Variants in TBCEL observed in about 807,000 individuals in gnomAD.
TBCEL encodes the protein tubulin-specific chaperone cofactor E-like protein.
A neutral mutation model predicts 44.2 loss-of-function variants in TBCEL; 15 were observed. That is an observed-to-expected ratio of 0.34 (90% CI 0.23 to 0.52). The LOEUF is 0.52. Ranked by LOEUF, TBCEL falls within the 20% of genes least tolerant of loss-of-function variation. The probability of loss-of-function intolerance (pLI) is 0.95; values close to 1 mark genes in which losing one functional copy is unlikely to be tolerated. For missense variants in TBCEL, 319 were observed against 506.3 expected (o/e 0.63, Z 3.55); for synonymous variants, 171 against 185.4 (o/e 0.92, Z 0.63).
At chr11:121,053,890 A>C (rs1945572281) in intron 5 of TBCEL, among the ~76,000 whole-genome samples, 158 bp downstream of exon 5, 2 of 151,824 alleles carry the variant, frequency 1.3e-5, no homozygotes, top group South Asian at 4.2e-4. Context: ...TGTGAGGGTA[A>C]TCTAGTAGCA....
chr11:121,030,365 A>G (rs1945122057), intron 1 of TBCEL, among the ~76,000 whole-genome samples: 1 of 152,216 alleles, frequency 6.6e-6, no homozygotes, highest in Non-Finnish European at 1.5e-5. Context: ...AAGGGGAGCC[A>G]TTGGAGAGTG....
intron 8 of TBCEL, among the ~76,000 whole-genome samples, chr11:121,067,139 A>G (rs1945835861): frequency 6.6e-6 from 1 of 152,240 alleles, no homozygotes. Context: ...TTATGAATAA[A>G]GAGCCGACAT....
In TBCEL at chr11:121,055,320, G is replaced by T. The variant is rs751928609; in HGVS notation, c.712+12G>T. The stretch of plus-strand genomic sequence containing the variant: ...CCTCCACAAGTCAGGTGAGGTTCAG[G>T]CTTGTTCTTATTCTACATGCAAATT... On this transcript the variant is annotated intron_variant, in intron 6 of 8. Coordinates refer to ENST00000683345, the MANE Select transcript of TBCEL (RefSeq NM_001363644.2). 2 of 1,582,514 alleles carry T rather than the reference G, an allele frequency of 1.3e-6. No individual in the cohort carries two copies. The highest frequency in any genetic ancestry group is 1.7e-6 in the Non-Finnish European group (2 of 1,161,734).
At position 121,059,966 on chromosome 11, in the gene TBCEL, T is replaced by C. The variant is rs755786235; in HGVS notation, c.840-3T>C. The C allele has an allele frequency of 1.6e-5, 25 of 1,603,050 alleles. No homozygotes were observed. The highest frequency in any genetic ancestry group is 4.5e-5 in the East Asian group (2 of 44,612). ...ATGTCTTTATTTTGGTTTTAACTTATAGATTGCCATCAGTTTCCAAACTTA... is the reference window on the plus strand; with the variant it reads ...ATGTCTTTATTTTGGTTTTAACTTACAGATTGCCATCAGTTTCCAAACTTA... On this transcript the variant is annotated splice_polypyrimidine_tract_variant and splice_region_variant and intron_variant, in intron 7 of 8. Transcript: ENST00000683345.
At chr11:121,054,228 C>G (rs906902812) in intron 5 of TBCEL, among the ~76,000 whole-genome samples, 1 of 151,910 alleles carries the variant, frequency 6.6e-6, no homozygotes, top group African/African-American at 2.4e-5. Context: ...TTGTCCCTAT[C>G]TTTGTATTTA....
chr11:121,043,869 C>T lies in TBCEL; in HGVS notation c.-17-1805C>T, dbSNP rs146710748. On this transcript the variant is annotated intron_variant, in intron 2 of 8. Transcript: ENST00000683345. Reference sequence around the variant, plus strand: ...TATATCGTAATGGTGTCCAAATCTTCATCTTTAGCTCATTTTTCTCATTCA... The same window carrying T: ...TATATCGTAATGGTGTCCAAATCTTTATCTTTAGCTCATTTTTCTCATTCA... 1.9e-3 allele frequency among the ~76,000 whole-genome samples: 296 copies of T among 152,182 alleles called. 1 individual carries two copies. Among genetic ancestry groups the T allele is most frequent in the African/African-American group, 6.7e-3 (279 of 41,542 alleles).
chr11:121,082,812 C>T (rs549428391), intron 8 of TBCEL, among the ~76,000 whole-genome samples: 1 of 152,188 alleles, frequency 6.6e-6, no homozygotes, highest in Non-Finnish European at 1.5e-5. Context: ...AAGGGCACTG[C>T]GCACCTTTGT....
Position 121,086,826 on chromosome 11 carries a change from A to T in TBCEL, c.1005A>T (p.Glu335Asp), listed in dbSNP as rs1284145107. 6.2e-7 allele frequency: 1 copy of T among 1,614,036 alleles called. No homozygotes were observed. Among genetic ancestry groups the T allele is most frequent in the South Asian group, 1.1e-5 (1 of 91,060 alleles). ...TKYGKLEPLA[E>D]VDLRPQSSAK... ...ATGGGAAGTTGGAGCCTTTGGCAGA[A>T]GTGGACCTAAGACCCCAGAGCAGTG... is the stretch of plus-strand genomic sequence containing the variant. The change falls in exon 9 of 9, where the codon GAA becomes GAT. Residue 335 changes from glutamate to aspartate, a missense_variant. Transcript: ENST00000683345.
chr11:121,077,147 G>T (rs1946048029), intron 8 of TBCEL, among the ~76,000 whole-genome samples: 1 of 151,936 alleles, frequency 6.6e-6, no homozygotes, highest in South Asian at 2.1e-4. Flanking sequence ...TATCAGGGTA[G>T]TGCTGGCCTC....
At chr11:121,078,172 A>G (rs896075756) in intron 8 of TBCEL, among the ~76,000 whole-genome samples, 1 of 152,138 alleles carries the variant, frequency 6.6e-6, no homozygotes, top group African/African-American at 2.4e-5. Context: ...TATATCATTA[A>G]CAGTTTTCTG....
At chr11:121,048,852 C>T (rs1945479821) in intron 4 of TBCEL, among the ~76,000 whole-genome samples, 1 of 151,854 alleles carries the variant, frequency 6.6e-6, no homozygotes. Context: ...TCATTCTGAA[C>T]CCACTGCTCT....
At chr11:121,054,117 G>T (rs904760354) in intron 5 of TBCEL, among the ~76,000 whole-genome samples, 8 of 151,860 alleles carry the variant, frequency 5.3e-5, no homozygotes, top group African/African-American at 1.7e-4. Flanking sequence ...ATGATTAAGT[G>T]CCTAGCTGAT....
intron 3 of TBCEL, among the ~76,000 whole-genome samples, chr11:121,047,081 A>G (rs1420564918): frequency 6.6e-6 from 1 of 152,064 alleles, no homozygotes; most frequent in Non-Finnish European, 1.5e-5. Context: ...CAGAGGCACA[A>G]AAGATAAAGA....
At chr11:121,054,481 TACTTA>T (rs1945585181) in intron 5 of TBCEL, among the ~76,000 whole-genome samples, 1 of 151,966 alleles carries the variant, frequency 6.6e-6, no homozygotes, top group South Asian at 2.1e-4. Flanking sequence ...TTTGATAAGC[TACTTA>T]ACTTCTTTGA....
intron 1 of TBCEL, among the ~76,000 whole-genome samples, chr11:121,025,204 T>C (rs1192603095): frequency 6.6e-6 from 1 of 152,196 alleles, no homozygotes; most frequent in African/African-American, 2.4e-5. Flanking sequence ...TTGAGAGAAG[T>C]TGGTAATGCT....
At chr11:121,047,495 T>C (rs1945450555) in intron 3 of TBCEL, 33 bp from the exon 4 acceptor site, 1 of 1,608,056 alleles carries the variant, frequency 6.2e-7, no homozygotes, top group South Asian at 1.1e-5. Flanking sequence ...ATTTGGCTGA[T>C]ATAGAAAACA....
At chr11:121,030,854 A>G (rs1335984412) in intron 1 of TBCEL, among the ~76,000 whole-genome samples, 1 of 147,436 alleles carries the variant, frequency 6.8e-6, no homozygotes, top group Non-Finnish European at 1.5e-5. Flanking sequence ...ATGGAATTAT[A>G]CTGTATATAT....
At chr11:121,069,932 T>C (rs996986016) in intron 8 of TBCEL, among the ~76,000 whole-genome samples, 2 of 152,156 alleles carry the variant, frequency 1.3e-5, no homozygotes, top group Admixed American at 1.3e-4. Context: ...TGGGAAACCA[T>C]TGAAAGGTTT....
At chr11:121,085,642 T>C (rs968439435) in intron 8 of TBCEL, among the ~76,000 whole-genome samples, 6 of 152,206 alleles carry the variant, frequency 3.9e-5, no homozygotes, top group Non-Finnish European at 7.3e-5. Flanking sequence ...TTGGAAATGA[T>C]TACTTCCATC....
Sources: gnomAD v4.1 joint callset for allele counts (sites outside exome capture counted in the v4.1 genomes callset) on GRCh38, gnomAD v4.1.1 for gene constraint, MANE v1.5 for transcripts, NCBI Gene and HGNC (gene_info 2026-07-23, HGNC 2026-07-21) for gene names.